Variants in IL6R observed in about 807,000 individuals in gnomAD.
The protein encoded by IL6R is interleukin 6 receptor, also known as interleukin-6 receptor subunit alpha.
IL6R carries 38 observed loss-of-function variants against 48.3 expected under a neutral mutation model. The observed-to-expected ratio is 0.79, with a 90% CI of 0.61 to 1.03. IL6R has a LOEUF of 1.03. Among genes scored for constraint, IL6R ranks in the 50% least tolerant of loss-of-function variants. The pLI is 0.00. For synonymous variants in IL6R, 264 were observed against 256.2 expected (o/e 1.03, Z -0.29); for missense variants, 534 against 618.3 (o/e 0.86, Z 1.45).
chr1:154,468,872 G>T lies in IL6R; in HGVS notation c.*3492G>T, dbSNP rs1369408924. ...GGGAGGATGCTGACACCAGCTCCAGGTGGAGTTGGTGGTCTTAATTTGGAG... is the reference window on the plus strand; with the variant it reads ...GGGAGGATGCTGACACCAGCTCCAGTTGGAGTTGGTGGTCTTAATTTGGAG... On this transcript the variant is annotated 3_prime_UTR_variant, in exon 10 of 10. Coordinates refer to ENST00000368485, the MANE Select transcript of IL6R (RefSeq NM_000565.4). 1 of 152,350 alleles carries T rather than the reference G, an allele frequency of 6.6e-6. No individual in the cohort carries two copies. Among genetic ancestry groups the T allele is most frequent in the Non-Finnish European group, 1.5e-5 (1 of 68,132 alleles). The allele number at this position is 152,350 out of a possible 1,614,324, so 9.4% of individuals were successfully genotyped here.
intron 6 of IL6R, among the ~76,000 whole-genome samples, chr1:154,438,632 G>A (rs967646549): frequency 4.6e-5 from 7 of 152,208 alleles, no homozygotes; most frequent in African/African-American, 7.2e-5. Context: ...GCCCCAGGGA[G>A]AGAAGGCTTT....
intron 9 of IL6R, among the ~76,000 whole-genome samples, chr1:154,462,184 A>G (rs1309085797): frequency 6.6e-6 from 1 of 152,194 alleles, no homozygotes; most frequent in Non-Finnish European, 1.5e-5. Context: ...TGGTTTTACA[A>G]TCAACACCCA....
intron 6 of IL6R, among the ~76,000 whole-genome samples, chr1:154,447,546 T>C (rs1237176629): frequency 3.9e-5 from 5 of 127,410 alleles, no homozygotes; most frequent in African/African-American, 1.3e-4. Context: ...TACATATATA[T>C]ACACATACAC....
chr1:154,454,128 C>T (rs1690739728), intron 8 of IL6R: 2 of 297,490 alleles, frequency 6.7e-6, no homozygotes, highest in South Asian at 8.2e-5. Flanking sequence ...CTCTTTGTGC[C>T]TTGTGGGAGC....
intron 1 of IL6R, among the ~76,000 whole-genome samples, chr1:154,407,218 C>T (rs1436763616): frequency 6.6e-6 from 1 of 152,192 alleles, no homozygotes; most frequent in Non-Finnish European, 1.5e-5. Flanking sequence ...GGTTCCAGGG[C>T]TCGGATGGCC....
chr1:154,434,473 G>T (rs1289505902), intron 3 of IL6R, 46 bp from the exon 4 acceptor site: 1 of 1,563,512 alleles, frequency 6.4e-7, no homozygotes, highest in African/African-American at 1.4e-5. Flanking sequence ...TCTTGAGTCT[G>T]TGCGAAACTG....
Position 154,429,403 on chromosome 1 carries a change from G to C in IL6R, c.293G>C (p.Arg98Pro), listed in dbSNP as rs749494588. Residue 98 changes from arginine (R) to proline (P), a missense_variant, in exon 2 of 10, where the codon CGG (arginine) becomes CCG (proline). Coordinates refer to ENST00000368485, the MANE Select transcript of IL6R (RefSeq NM_000565.4). Reference protein sequence around the residue: ...LHDSGNYSCYRAGRPAGTVHL... With the variant: ...LHDSGNYSCYPAGRPAGTVHL... The stretch of plus-strand genomic sequence containing the variant: ...GACTCTGGAAACTATTCATGCTACC[G>C]GGCCGGCCGCCCAGCTGGGACTGTG... The C allele has an allele frequency of 6.2e-7, 1 of 1,613,768 alleles. No individual in the cohort carries two copies. Among genetic ancestry groups the C allele is most frequent in the East Asian group, 2.2e-5 (1 of 44,874 alleles).
At chr1:154,427,464 C>T (rs565466554) in intron 1 of IL6R, among the ~76,000 whole-genome samples, 4 of 152,298 alleles carry the variant, frequency 2.6e-5, no homozygotes, top group Admixed American at 2.0e-4. Flanking sequence ...ACAATTCAAC[C>T]AGCTTTCTTA....
At chr1:154,438,806 A>G (rs1357634583) in intron 6 of IL6R, among the ~76,000 whole-genome samples, 1 of 152,148 alleles carries the variant, frequency 6.6e-6, no homozygotes, top group Non-Finnish European at 1.5e-5. Flanking sequence ...GTTGGATGCA[A>G]TAATATGAAG....
At chr1:154,450,104 CTGTGTGTGTG>C (rs71586016) in intron 8 of IL6R, 124 bp downstream of exon 8, 98 of 480,926 alleles carry the variant, frequency 2.0e-4, no homozygotes, top group African/African-American at 1.4e-3. Context: ...CAGAAATGTT[CTGTGTGTGTG>C]TGTGTGTGTG....
At chr1:154,441,526 T>C (rs1468180605) in intron 6 of IL6R, among the ~76,000 whole-genome samples, 2 of 152,154 alleles carry the variant, frequency 1.3e-5, no homozygotes, top group Admixed American at 6.5e-5. Context: ...CCCTCTCTGC[T>C]GAGGGAAGAG....
At chr1:154,430,098 C>A (rs1689201437) in intron 2 of IL6R, among the ~76,000 whole-genome samples, 1 of 152,108 alleles carries the variant, frequency 6.6e-6, no homozygotes, top group African/African-American at 2.4e-5. Context: ...ATCATCATTA[C>A]ATTATCATCA....
chr1:154,445,143 T>C (rs1453774405), intron 6 of IL6R: 3 of 455,972 alleles, frequency 6.6e-6, no homozygotes, highest in South Asian at 4.6e-5. Context: ...TATTTATTTG[T>C]TTCTACACGA....
chr1:154,440,382 T>C (rs1689867204), intron 6 of IL6R, among the ~76,000 whole-genome samples: 1 of 152,238 alleles, frequency 6.6e-6, no homozygotes, highest in Non-Finnish European at 1.5e-5. Context: ...AATATCTGTT[T>C]AGATTCCTGC....
intron 9 of IL6R, among the ~76,000 whole-genome samples, chr1:154,460,370 C>T (rs989575509): frequency 2.0e-5 from 3 of 152,022 alleles, no homozygotes; most frequent in Middle Eastern, 3.2e-3. Context: ...AATTCATACT[C>T]GCCTTAGAAT....
chr1:154,445,672 C>G (rs1690182367), intron 6 of IL6R, among the ~76,000 whole-genome samples: 1 of 151,862 alleles, frequency 6.6e-6, no homozygotes, highest in Admixed American at 6.6e-5. Context: ...ATGGCTTGAA[C>G]CCAGGAGGCG....
intron 6 of IL6R, among the ~76,000 whole-genome samples, chr1:154,445,677 G>C (rs966680765): frequency 6.6e-6 from 1 of 151,834 alleles, no homozygotes; most frequent in Non-Finnish European, 1.5e-5. Context: ...TTGAACCCAG[G>C]AGGCGGAGCT....
At chr1:154,453,425 A>G (rs935358428) in intron 8 of IL6R, among the ~76,000 whole-genome samples, 3 of 152,194 alleles carry the variant, frequency 2.0e-5, no homozygotes, top group African/African-American at 7.2e-5. Flanking sequence ...CCTCTTCGTC[A>G]GCAGTGGATT....
rs143779412 is a variant in IL6R, at chr1:154,434,625, A to G, written c.565A>G (p.Ile189Val). 222 of 1,614,102 alleles carry G rather than the reference A, an allele frequency of 1.4e-4. No homozygotes were observed. The African/African-American group carries it at 1.8e-3, about 13-fold the overall frequency. The part of the protein sequence containing the change: ...AVPEGDSSFY[I>V]VSMCVASSVG... ...CCCGGAGGGAGACAGCTCTTTCTAC[A>G]TAGTGTCCATGTGCGTCGCCAGTAG... Residue 189 changes from isoleucine (I) to valine (V), a missense_variant, in exon 4 of 10, where the codon ATA becomes GTA. Ile to Val is a conservative substitution (Grantham distance 29). Coordinates refer to ENST00000368485, the MANE Select transcript of IL6R (RefSeq NM_000565.4).
Sources: allele counts gnomAD v4.1 joint callset (sites outside exome capture counted in the v4.1 genomes callset), GRCh38; gene constraint gnomAD v4.1.1; transcripts MANE v1.5; gene names NCBI Gene and HGNC (gene_info 2026-07-23, HGNC 2026-07-21).